Variants in MACROD2 observed in about 807,000 individuals in gnomAD.
The protein encoded by MACROD2 is mono-ADP ribosylhydrolase 2, also known as ADP-ribose glycohydrolase MACROD2.
A neutral mutation model predicts 70.4 loss-of-function variants in MACROD2; 36 were observed. That is an observed-to-expected ratio of 0.51 (90% CI 0.39 to 0.68). MACROD2 has a LOEUF of 0.68. MACROD2 is among the 30% of genes least tolerant of loss of function. The pLI is 0.00. For missense variants in MACROD2, 496 were observed against 538.4 expected, an observed-to-expected ratio of 0.92 and a Z score of 0.78; for synonymous variants, 172 against 178.8, an observed-to-expected ratio of 0.96 and a Z score of 0.30.
chr20:14,850,950 T>C lies in MACROD2; in HGVS notation c.418+165991T>C, dbSNP rs188281198. ...AGTTGAGGCCAGATTTTGCAACTTC[T>C]AATTTTTTTTTTAAACCTAGCATTG... On this transcript the variant is annotated intron_variant, in intron 5 of 17. Transcript: ENST00000684519. Among the ~76,000 whole-genome samples the C allele has an allele frequency of 3.3e-5, 5 of 152,256 alleles. No homozygotes were observed. In the East Asian group the frequency reaches 9.6e-4, roughly 29 times the overall value.
At chr20:14,223,657 G>A (rs1245663712) in intron 3 of MACROD2, among the ~76,000 whole-genome samples, 2 of 151,988 alleles carry the variant, frequency 1.3e-5, no homozygotes, top group Admixed American at 1.3e-4. Flanking sequence ...ACAGACGCCC[G>A]CCACCATGCC....
chr20:14,642,528 T>C (rs1002999884), intron 4 of MACROD2, among the ~76,000 whole-genome samples: 1 of 152,144 alleles, frequency 6.6e-6, no homozygotes, highest in Non-Finnish European at 1.5e-5. Context: ...TAACTTTTCA[T>C]GTAAAGTGAG....
intron 4 of MACROD2, among the ~76,000 whole-genome samples, chr20:14,633,627 G>A (rs543825686): frequency 2.0e-5 from 3 of 152,168 alleles, no homozygotes; most frequent in Admixed American, 1.3e-4. Flanking sequence ...TCTTGGCTCC[G>A]AATTCTCCTT....
At chr20:14,209,819 C>T (rs569539562) in intron 3 of MACROD2, among the ~76,000 whole-genome samples, 7 of 152,246 alleles carry the variant, frequency 4.6e-5, no homozygotes, top group Admixed American at 6.5e-5. Context: ...GCCACTTAGT[C>T]GCAAGGGAGG....
chr20:14,417,942 C>T (rs1181845399), intron 3 of MACROD2, among the ~76,000 whole-genome samples: 1 of 152,160 alleles, frequency 6.6e-6, no homozygotes, highest in Non-Finnish European at 1.5e-5. Flanking sequence ...TAATAACACC[C>T]TCTGGTTAGT....
intron 8 of MACROD2, among the ~76,000 whole-genome samples, chr20:15,836,172 T>C (rs758143156): frequency 2.6e-5 from 4 of 152,228 alleles, no homozygotes; most frequent in Non-Finnish European, 4.4e-5. Flanking sequence ...CTAATAATAG[T>C]GACGTTTTAC....
intron 2 of MACROD2, among the ~76,000 whole-genome samples, chr20:14,071,813 T>C (rs538365718): frequency 6.6e-6 from 1 of 151,860 alleles, no homozygotes; most frequent in South Asian, 2.1e-4. Context: ...CTTACACCTG[T>C]AATCCCAGCA....
intron 8 of MACROD2, among the ~76,000 whole-genome samples, chr20:15,784,913 C>T (rs1271096997): frequency 6.6e-6 from 1 of 151,896 alleles, no homozygotes; most frequent in Non-Finnish European, 1.5e-5. Flanking sequence ...CTTTGGGAGG[C>T]CAAGATGGGC....
intron 2 of MACROD2, among the ~76,000 whole-genome samples, chr20:14,051,011 G>C (rs2053559476): frequency 6.6e-6 from 1 of 152,150 alleles, no homozygotes; most frequent in African/African-American, 2.4e-5. Context: ...TATTTAAAAA[G>C]ATGAGTGAGA....
In MACROD2 at chr20:15,221,340, T is replaced by C. The variant is rs75051992; in HGVS notation, c.419-8600T>C. The stretch of plus-strand genomic sequence containing the variant: ...TAGAAATGCCATGCATTTGACTCAC[T>C]TCCTTCTGGGATGTGTTCTCTTTGG... On this transcript the variant is annotated intron_variant, in intron 5 of 17. Transcript: ENST00000684519. 2.0e-5 allele frequency among the ~76,000 whole-genome samples: 3 copies of C among 152,316 alleles called. No individual in the cohort carries two copies. In the East Asian group the frequency reaches 5.8e-4, roughly 29 times the overall value.
At chr20:14,456,937 T>A (rs981761881) in intron 3 of MACROD2, among the ~76,000 whole-genome samples, 1 of 151,992 alleles carries the variant, frequency 6.6e-6, no homozygotes, top group Non-Finnish European at 1.5e-5. Flanking sequence ...CAGGATGGTC[T>A]TGATCTCCTG....
chr20:14,795,861 C>G (rs2072503656), intron 5 of MACROD2, among the ~76,000 whole-genome samples: 1 of 151,842 alleles, frequency 6.6e-6, no homozygotes, highest in Admixed American at 6.6e-5. Flanking sequence ...GGAGTCAAGT[C>G]CTGTGAAAAC....
intron 5 of MACROD2, among the ~76,000 whole-genome samples, chr20:14,832,138 G>A (rs2072977428): frequency 6.7e-6 from 1 of 148,972 alleles, no homozygotes; most frequent in Non-Finnish European, 1.5e-5. Context: ...TGCCTCCCGG[G>A]TTCACGCCAT....
chr20:14,588,786 A>G (rs572572861), intron 4 of MACROD2, among the ~76,000 whole-genome samples: 2 of 152,316 alleles, frequency 1.3e-5, no homozygotes, highest in East Asian at 1.9e-4. Flanking sequence ...TCTACGTTAC[A>G]TGATAAACAT....
intron 6 of MACROD2, among the ~76,000 whole-genome samples, chr20:15,334,590 T>A (rs2038268): frequency 0.46 from 69,491 of 150,216 alleles, 16,810 homozygotes; most frequent in East Asian, 0.71. Flanking sequence ...TGATTTTTTT[T>A]AAAAAAAAAC....
chr20:14,274,649 C>T (rs2082232548), intron 3 of MACROD2, among the ~76,000 whole-genome samples: 1 of 152,026 alleles, frequency 6.6e-6, no homozygotes, highest in Admixed American at 6.6e-5. Flanking sequence ...CTGGTCAGGG[C>T]AATCAGGCAG....
intron 3 of MACROD2, among the ~76,000 whole-genome samples, chr20:14,419,111 A>G (rs1488633762): frequency 6.6e-6 from 1 of 151,868 alleles, no homozygotes; most frequent in Non-Finnish European, 1.5e-5. Flanking sequence ...CTGGAGTGCA[A>G]TGGCGGGATC....
chr20:15,759,956 C>A (rs76133143), intron 8 of MACROD2, among the ~76,000 whole-genome samples: 2 of 152,190 alleles, frequency 1.3e-5, no homozygotes, highest in Non-Finnish European at 2.9e-5. Context: ...GAATTTTTGC[C>A]GCGTAAAGCT....
chr20:15,215,361 C>T (rs2076801374), intron 5 of MACROD2, among the ~76,000 whole-genome samples: 1 of 142,912 alleles, frequency 7.0e-6, no homozygotes, highest in African/African-American at 2.6e-5. Flanking sequence ...ACCTTTTAAC[C>T]TTAAAAAAAC....
Sources: allele counts gnomAD v4.1 joint callset (sites outside exome capture counted in the v4.1 genomes callset), GRCh38; gene constraint gnomAD v4.1.1; transcripts MANE v1.5; gene names NCBI Gene and HGNC (gene_info 2026-07-23, HGNC 2026-07-21).